Variants in GTF2I observed in about 807,000 individuals in gnomAD.
GTF2I encodes the protein general transcription factor IIi.
Under a neutral mutation model 67.6 loss-of-function variants are expected in GTF2I, and 12 were observed. The ratio of observed to expected loss-of-function variants is 0.18; its 90% CI spans 0.11 to 0.29. GTF2I has a LOEUF of 0.29. Among genes scored for constraint, GTF2I ranks in the 10% least tolerant of loss-of-function variants. The probability of loss-of-function intolerance (pLI) is 1.00; values close to 1 mark genes in which losing one functional copy is unlikely to be tolerated. For missense variants in GTF2I, 271 were observed against 580.1 expected, an observed-to-expected ratio of 0.47 and a Z score of 5.47; for synonymous variants, 149 against 197.0, an observed-to-expected ratio of 0.76 and a Z score of 2.04.
chr7:74,681,428 C>G (rs1787259273), intron 1 of GTF2I, among the ~76,000 whole-genome samples: 1 of 151,338 alleles, frequency 6.6e-6, no homozygotes, highest in Non-Finnish European at 1.5e-5. Flanking sequence ...GAGCAAGACT[C>G]TGTCTCAAAA....
chr7:74,661,174 G>C (rs1330260105), intron 1 of GTF2I, among the ~76,000 whole-genome samples: 1 of 152,114 alleles, frequency 6.6e-6, no homozygotes. Flanking sequence ...GCGTCCCCGG[G>C]AGAGCTGGCA....
intron 9 of GTF2I, among the ~76,000 whole-genome samples, chr7:74,714,482 T>TA (rs1237860013): frequency 6.6e-6 from 1 of 152,092 alleles, no homozygotes; most frequent in African/African-American, 2.4e-5. Flanking sequence ...AAGAAACAAA[T>TA]AAACCTGTGA....
intron 1 of GTF2I, among the ~76,000 whole-genome samples, chr7:74,659,892 A>G (rs1385775368): frequency 5.9e-5 from 9 of 152,192 alleles, no homozygotes; most frequent in South Asian, 2.1e-4. Context: ...TGATCAGCCA[A>G]CAGTGCAGAG....
In GTF2I at chr7:74,683,612, G is replaced by A. The variant is rs587772757; in HGVS notation, c.-5-5512G>A. ...TCACGCCTGTAATCTCAGCACTTTG[G>A]GAGGCTGAAGCGGGCAGATCACCTG... is the stretch of plus-strand genomic sequence containing the variant. On this transcript the variant is annotated intron_variant, in intron 1 of 34. Transcript: ENST00000573035. Among the ~76,000 whole-genome samples the A allele has an allele frequency of 1.9e-4, 29 of 152,264 alleles. No homozygotes were observed. In the South Asian group the frequency reaches 6.0e-3, roughly 32 times the overall value.
At chr7:74,673,117 C>G (rs782108926) in intron 1 of GTF2I, among the ~76,000 whole-genome samples, 10 of 152,148 alleles carry the variant, frequency 6.6e-5, no homozygotes, top group Non-Finnish European at 8.8e-5. Context: ...GCCTTGGCCT[C>G]CCAAAGTGCT....
chr7:74,713,030 C>T (rs1423027818), intron 9 of GTF2I, among the ~76,000 whole-genome samples: 1 of 152,048 alleles, frequency 6.6e-6, no homozygotes, highest in Non-Finnish European at 1.5e-5. Flanking sequence ...GTAGGCACCT[C>T]AAGCATTTGA....
At chr7:74,659,394 A>AT (rs782262816) in intron 1 of GTF2I, among the ~76,000 whole-genome samples, 8,352 of 144,942 alleles carry the variant, frequency 0.058, 287 homozygotes, top group Middle Eastern at 0.11. Context: ...TGCCCTGCTA[A>AT]TTTTTTTTTT....
chr7:74,704,962 A>C (rs954688015), intron 6 of GTF2I, among the ~76,000 whole-genome samples: 4 of 149,324 alleles, frequency 2.7e-5, no homozygotes, highest in Non-Finnish European at 4.4e-5. Flanking sequence ...ATGTTTCTGC[A>C]TTTCTCTCAC....
In GTF2I at chr7:74,706,408, G is replaced by A. The variant is rs1554401418; in HGVS notation, c.660G>A (p.Val220=). 1.2e-6 allele frequency: 2 copies of A among 1,613,712 alleles called. No homozygotes were observed. Among genetic ancestry groups the A allele is most frequent in the African/African-American group, 1.3e-5 (1 of 75,024 alleles). Residue 220 remains valine, a synonymous_variant, in exon 8 of 35, where the codon GTG becomes GTA. Coordinates refer to ENST00000573035, the MANE Select transcript of GTF2I (RefSeq NM_032999.4). The part of the protein sequence containing the change: ...SPGGSCGPIK[V]KTEPTEDSGI... ...CTTGCAGTTGTGGCCCCATCAAAGT[G>A]AAAACTGAACCCACAGAAGATTCTG... is the stretch of plus-strand genomic sequence containing the variant.
In GTF2I at chr7:74,700,743, A is replaced by G. The variant is rs587744942; in HGVS notation, c.586+109A>G. Reference sequence around the variant, plus strand: ...TGTCTTTGAGAATATGATGTCAGACATTTTCGGATGGGCTGTTTAGATGTT... The same window carrying G: ...TGTCTTTGAGAATATGATGTCAGACGTTTTCGGATGGGCTGTTTAGATGTT... On this transcript the variant is annotated intron_variant, in intron 6 of 34. Coordinates refer to ENST00000573035, the MANE Select transcript of GTF2I (RefSeq NM_032999.4). The G allele has an allele frequency of 2.9e-4, 306 of 1,053,224 alleles. 3 individuals are homozygous for G. In the South Asian group the frequency reaches 3.7e-3, roughly 13 times the overall value. 65.2% of individuals were successfully genotyped at this position (1,053,224 alleles called of 1,614,324 possible). A position where few individuals can be genotyped will look rare whatever the true frequency, so the allele number is the denominator to read the frequency against.
At chr7:74,700,003 G>A in intron 4 of GTF2I, 1 of 388,610 alleles carries the variant, frequency 2.6e-6, no homozygotes, top group Non-Finnish European at 4.6e-6. Flanking sequence ...ACCAACCATT[G>A]CTCTCTCTAT....
At position 74,705,193 on chromosome 7, in the gene GTF2I, A is replaced by G. The variant is rs782580708; in HGVS notation, c.616A>G (p.Arg206Gly). The G allele has an allele frequency of 6.2e-7, 1 of 1,605,058 alleles. No individual in the cohort carries two copies. The highest frequency in any genetic ancestry group is 8.5e-7 in the Non-Finnish European group (1 of 1,172,394). Residue 206 changes from arginine to glycine, a missense_variant, in exon 7 of 35, where the codon AGG becomes GGG. Coordinates refer to ENST00000573035, the MANE Select transcript of GTF2I (RefSeq NM_032999.4). ...GGRVMVTDADRSILSPGGSCG... is the reference protein window; with the variant it reads ...GGRVMVTDADGSILSPGGSCG... Reference sequence around the variant, plus strand: ...TCGTGTGATGGTAACAGATGCTGACAGGTCAATACTATCTCCAGGTGGAAG... The same window carrying G: ...TCGTGTGATGGTAACAGATGCTGACGGGTCAATACTATCTCCAGGTGGAAG...
At chr7:74,721,261 G>A (rs1554404573) in intron 12 of GTF2I, among the ~76,000 whole-genome samples, 1 of 152,092 alleles carries the variant, frequency 6.6e-6, no homozygotes, top group African/African-American at 2.4e-5. Context: ...GGCTGGTCTC[G>A]AACTCCTGAC....
rs957595649 is a variant in GTF2I at position 74,700,116 on chromosome 7, T to C, written c.374-131T>C. On this transcript the variant is annotated intron_variant, in intron 4 of 34. Coordinates refer to ENST00000573035, the MANE Select transcript of GTF2I (RefSeq NM_032999.4). The stretch of plus-strand genomic sequence containing the variant: ...GACATGGGGAGATAGAATGCTGTAG[T>C]ATTAATTAATTTTGAAATCATATAT... 13 of 906,252 alleles carry C rather than the reference T, an allele frequency of 1.4e-5. 1 individual carries two copies. Among genetic ancestry groups the C allele is most frequent in the Non-Finnish European group, 5.0e-6 (3 of 599,154 alleles). 56.1% of individuals were successfully genotyped at this position (906,252 alleles called of 1,614,324 possible).
intron 3 of GTF2I, among the ~76,000 whole-genome samples, chr7:74,698,674 G>C (rs895965665): frequency 1.3e-5 from 2 of 151,596 alleles, no homozygotes; most frequent in Non-Finnish European, 2.9e-5. Flanking sequence ...AGCCTCACAA[G>C]GTGGTGGAAT....
Position 74,698,941 on chromosome 7 carries a change from A to G in GTF2I, c.239-20A>G. ...GACCTTATTATTATTTTTTTATTTTATTTTTTATTTTTTTTACAGGTGTTG... is the reference window on the plus strand; with the variant it reads ...GACCTTATTATTATTTTTTTATTTTGTTTTTTATTTTTTTTACAGGTGTTG... On this transcript the variant is annotated intron_variant, in intron 3 of 34. Coordinates refer to ENST00000573035, the MANE Select transcript of GTF2I (RefSeq NM_032999.4). The G allele has an allele frequency of 8.4e-7, 1 of 1,192,070 alleles. No homozygotes were observed. Among genetic ancestry groups the G allele is most frequent in the Non-Finnish European group, 1.1e-6 (1 of 897,018 alleles). 73.8% of individuals were successfully genotyped at this position (1,192,070 alleles called of 1,614,324 possible).
At chr7:74,733,856 G>A (rs1794684185) in intron 15 of GTF2I, 67 bp from the exon 16 acceptor site, 25 of 1,001,094 alleles carry the variant, frequency 2.5e-5, no homozygotes, top group Admixed American at 1.0e-4. Context: ...TGTTAAATAT[G>A]TACTAGTCGT....
intron 1 of GTF2I, among the ~76,000 whole-genome samples, chr7:74,659,077 ACCT>A (rs1249830741): frequency 6.6e-6 from 1 of 151,518 alleles, no homozygotes; most frequent in Non-Finnish European, 1.5e-5. Flanking sequence ...CTGACTACTG[ACCT>A]CCTTTTTTTA....
intron 15 of GTF2I, 163 bp from the exon 16 acceptor site, chr7:74,733,760 C>T (rs1307649323): frequency 3.7e-5 from 9 of 243,330 alleles, no homozygotes; most frequent in African/African-American, 1.2e-4. Context: ...AGCAAAACTC[C>T]GTCTCAGGAA....
Sources: gnomAD v4.1 joint callset for allele counts (sites outside exome capture counted in the v4.1 genomes callset) on GRCh38, gnomAD v4.1.1 for gene constraint, MANE v1.5 for transcripts, NCBI Gene and HGNC (gene_info 2026-07-23, HGNC 2026-07-21) for gene names.